TENM2: variants seen among roughly 807,000 people sequenced by gnomAD.
TENM2 encodes the protein teneurin-2.
In TENM2, 52 loss-of-function variants were observed where a neutral mutation model predicts 245.2. That is an observed-to-expected ratio of 0.21 (90% CI 0.17 to 0.27). The LOEUF is 0.27. Among genes scored for constraint, TENM2 ranks in the 10% least tolerant of loss-of-function variants. The pLI, the probability that TENM2 is intolerant of heterozygous loss-of-function variation, is 1.00. For missense variants in TENM2, 3,046 were observed against 3,666.8 expected (o/e 0.83, Z 4.37); for synonymous variants, 1,363 against 1,438.9 (o/e 0.95, Z 1.19).
At chr5:167,051,468 T>C in the TENM2 span, among the ~76,000 whole-genome samples, 1 of 151,782 alleles carries the variant, frequency 6.6e-6, no homozygotes, top group East Asian at 1.9e-4. Flanking sequence ...TTTCCTTTAC[T>C]AAGACATCAG....
the TENM2 span, among the ~76,000 whole-genome samples, chr5:167,095,768 CT>C: frequency 0.47 from 60,456 of 129,622 alleles, 12,670 homozygotes; most frequent in African/African-American, 0.51. Flanking sequence ...GAAAGCCTTT[CT>C]TTTTTTTTTT....
intron 13 of TENM2, chr5:168,186,410 T>C (rs1019916945): frequency 1.3e-5 from 2 of 152,156 alleles, no homozygotes; most frequent in African/African-American, 4.8e-5. Flanking sequence ...ACAATTAGCT[T>C]ATGACGTGTA....
chr5:167,407,104 T>G (rs1762676373), intron 2 of TENM2, among the ~76,000 whole-genome samples: 1 of 152,156 alleles, frequency 6.6e-6, no homozygotes. Context: ...AGTTGAAATA[T>G]ACCACCTGCT....
At chr5:167,446,189 GT>G (rs1441266403) in intron 2 of TENM2, among the ~76,000 whole-genome samples, 1 of 152,160 alleles carries the variant, frequency 6.6e-6, no homozygotes, top group Admixed American at 6.5e-5. Flanking sequence ...TGAATTTAGT[GT>G]TTTGTCAAAG....
chr5:167,545,693 A>G (rs1033584074), intron 2 of TENM2, among the ~76,000 whole-genome samples: 23 of 152,326 alleles, frequency 1.5e-4, no homozygotes, highest in African/African-American at 5.5e-4. Flanking sequence ...TTATGGGTAC[A>G]TCCAAAGTTT....
chr5:168,232,393 G>A (rs537815149), intron 25 of TENM2: 1 of 152,176 alleles, frequency 6.6e-6, no homozygotes, highest in East Asian at 1.9e-4. Context: ...GAGTGGCTGG[G>A]AGCTGAAACC....
chr5:167,202,249 A>G, the TENM2 span, among the ~76,000 whole-genome samples: 1 of 152,098 alleles, frequency 6.6e-6, no homozygotes, highest in African/African-American at 2.4e-5. Flanking sequence ...CTTCCTCTGC[A>G]TCTTTCTCCA....
At chr5:167,522,654 T>A (rs955562808) in intron 2 of TENM2, among the ~76,000 whole-genome samples, 2 of 152,080 alleles carry the variant, frequency 1.3e-5, no homozygotes, top group Admixed American at 6.6e-5. Context: ...AAAGGCACAT[T>A]TTTATAGTAA....
the TENM2 span, among the ~76,000 whole-genome samples, chr5:167,216,161 CA>C: frequency 0.19 from 29,052 of 152,110 alleles, 3,032 homozygotes; most frequent in African/African-American, 0.28. Context: ...AGGCTAGAGC[CA>C]GAATGGAAAG....
the TENM2 span, among the ~76,000 whole-genome samples, chr5:167,111,331 G>A: frequency 9.9e-4 from 151 of 152,226 alleles, 2 homozygotes; most frequent in Middle Eastern, 0.01. Context: ...GTAAGTAGTT[G>A]AGCTTTAGTC....
At chr5:167,115,143 C>T in the TENM2 span, among the ~76,000 whole-genome samples, 1 of 151,906 alleles carries the variant, frequency 6.6e-6, no homozygotes, top group African/African-American at 2.4e-5. Context: ...TGTAGGTGAC[C>T]AAAGTTGAAT....
chr5:167,711,739 C>A (rs1045109483), intron 2 of TENM2, among the ~76,000 whole-genome samples: 6 of 152,142 alleles, frequency 3.9e-5, no homozygotes, highest in Admixed American at 1.3e-4. Flanking sequence ...TCTCCTTAGA[C>A]CCAACCAGCC....
Position 167,880,692 on chromosome 5 carries a change from C to T in TENM2, c.712+4497C>T, listed in dbSNP as rs551956610. Among the ~76,000 whole-genome samples the T allele has an allele frequency of 2.0e-5, 3 of 152,232 alleles. No individual in the cohort carries two copies. The South Asian group carries it at 6.2e-4, about 32-fold the overall frequency. On this transcript the variant is annotated intron_variant, in intron 3 of 28. Transcript: ENST00000518659. Reference sequence around the variant, plus strand: ...ATATGCTAATTTCCTGTCAAAATTCCTTGTAACCTCCCTTAAATAAGACAT... The same window carrying T: ...ATATGCTAATTTCCTGTCAAAATTCTTTGTAACCTCCCTTAAATAAGACAT...
the TENM2 span, among the ~76,000 whole-genome samples, chr5:167,261,583 A>G: frequency 3.3e-5 from 5 of 152,176 alleles, no homozygotes; most frequent in African/African-American, 1.2e-4. Flanking sequence ...GGAAAGAGAA[A>G]GTAGAAAGTA....
intron 4 of TENM2, among the ~76,000 whole-genome samples, chr5:167,984,758 C>T (rs1281668046): frequency 1.3e-5 from 2 of 152,214 alleles, no homozygotes; most frequent in Non-Finnish European, 2.9e-5. Flanking sequence ...CCTAGTTTTG[C>T]TACTCAAGTA....
the TENM2 span, among the ~76,000 whole-genome samples, chr5:167,113,726 A>G: frequency 6.6e-6 from 1 of 152,016 alleles, no homozygotes; most frequent in African/African-American, 2.4e-5. Context: ...CTTTTATTTT[A>G]CCTTATGATA....
chr5:168,206,588 C>A (rs953824601), intron 19 of TENM2, among the ~76,000 whole-genome samples: 4 of 152,190 alleles, frequency 2.6e-5, no homozygotes, highest in Admixed American at 1.3e-4. Context: ...GAAGGACACA[C>A]GTGGGAAGAG....
intron 2 of TENM2, among the ~76,000 whole-genome samples, chr5:167,784,597 C>A (rs948789706): frequency 6.6e-6 from 1 of 152,182 alleles, no homozygotes; most frequent in Non-Finnish European, 1.5e-5. Flanking sequence ...TCTCTGCTCA[C>A]CTGCTTTTAA....
chr5:167,064,083 C>T, the TENM2 span, among the ~76,000 whole-genome samples: 1 of 152,054 alleles, frequency 6.6e-6, no homozygotes, highest in Non-Finnish European at 1.5e-5. Flanking sequence ...GGGCTGTTTG[C>T]CCAAGTTAAT....
Sources: gnomAD v4.1 joint callset for allele counts (sites outside exome capture counted in the v4.1 genomes callset) on GRCh38, gnomAD v4.1.1 for gene constraint, MANE v1.5 for transcripts, NCBI Gene and HGNC (gene_info 2026-07-23, HGNC 2026-07-21) for gene names.